The following EXOG variants were observed in gnomAD, a reference collection of about 807,000 sequenced individuals.
EXOG encodes exo/endonuclease G.
EXOG carries 27 observed loss-of-function variants against 25.8 expected under a neutral mutation model. The ratio of observed to expected loss-of-function variants is 1.05; its 90% CI spans 0.77 to 1.45. The LOEUF (loss-of-function observed/expected upper bound fraction) is 1.45, where lower values mean the gene tolerates loss of function less well. Among genes scored for constraint, EXOG ranks in the 40% most tolerant of loss-of-function variants. The pLI is 0.00. For synonymous variants in EXOG, 133 were observed against 167.0 expected (o/e 0.80, Z 1.57); for missense variants, 458 against 450.5 (o/e 1.02, Z -0.15).
At chr3:38,514,768 C>T (rs73825580) in intron 5 of EXOG, among the ~76,000 whole-genome samples, 2 of 117,820 alleles carry the variant, frequency 1.7e-5, no homozygotes, top group East Asian at 2.8e-4. Context: ...CCCTCCCCCC[C>T]CTCCCCCTGC....
chr3:38,523,223 C>G lies in EXOG; in HGVS notation c.646-678C>G, dbSNP rs531955888. The stretch of plus-strand genomic sequence containing the variant: ...TTTGACCTTTGAATGTTTGGAGCAC[C>G]AGAAGTTCTGATTATGAGATGAAGA... On this transcript the variant is annotated intron_variant, in intron 5 of 5. Coordinates refer to ENST00000287675, the MANE Select transcript of EXOG (RefSeq NM_005107.4). 8.7e-5 allele frequency: 112 copies of G among 1,289,230 alleles called. No homozygotes were observed. The Admixed American group carries it at 2.0e-3, about 23-fold the overall frequency. The allele number at this position is 1,289,230 out of a possible 1,614,324, so 79.9% of individuals were successfully genotyped here.
intron 5 of EXOG, chr3:38,523,115 G>A (rs2060771933): frequency 1.2e-6 from 1 of 861,838 alleles, no homozygotes; most frequent in South Asian, 1.4e-5. Context: ...TTCTCTAAGG[G>A]CTATCTGTTT....
intron 5 of EXOG, among the ~76,000 whole-genome samples, chr3:38,522,491 A>G (rs2060748025): frequency 6.6e-6 from 1 of 152,132 alleles, no homozygotes; most frequent in South Asian, 2.1e-4. Flanking sequence ...CTTTTTCAAA[A>G]AAGCCTTTTT....
At chr3:38,521,537 A>G (rs756693114) in intron 5 of EXOG, among the ~76,000 whole-genome samples, 11 of 152,240 alleles carry the variant, frequency 7.2e-5, no homozygotes, top group Non-Finnish European at 1.3e-4. Context: ...GAGAAAATCA[A>G]GTGAATGTTC....
chr3:38,508,240 T>G (rs994843605), intron 5 of EXOG, among the ~76,000 whole-genome samples: 2 of 152,180 alleles, frequency 1.3e-5, no homozygotes, highest in African/African-American at 4.8e-5. Context: ...TTTTTTAATA[T>G]GCAAGATATG....
intron 5 of EXOG, among the ~76,000 whole-genome samples, chr3:38,522,147 G>A (rs1013664635): frequency 1.3e-5 from 2 of 152,178 alleles, no homozygotes; most frequent in Admixed American, 6.5e-5. Flanking sequence ...AATCATTCCC[G>A]TGCACGGGTC....
intron 3 of EXOG, 93 bp downstream of exon 3, chr3:38,501,587 A>G: frequency 9.5e-7 from 1 of 1,051,890 alleles, no homozygotes; most frequent in Non-Finnish European, 1.4e-6. Context: ...GCCAAACCTT[A>G]AAACTTGAGA....
Position 38,524,283 on chromosome 3 carries a change from T to A in EXOG, c.1028T>A (p.Phe343Tyr). Residue 343 changes from phenylalanine (F) to tyrosine (Y), a missense_variant, in exon 6 of 6, where the codon TTT becomes TAT. Physicochemically the swap from Phe to Tyr is conservative, Grantham distance 22. Around this residue, in one of 3 missense-constraint regions of EXOG, gnomAD observed 178 missense variants for 203.7 expected, o/e 0.87. Coordinates refer to ENST00000287675, the MANE Select transcript of EXOG (RefSeq NM_005107.4). ...KNAEIEPDDY[F>Y]MSRYEKKLEE... ...GCAGAGATTGAACCAGATGATTACT[T>A]TATGAGTCGCTATGAGAAGAAGCTA... 6.2e-7 allele frequency: 1 copy of A among 1,614,142 alleles called. No homozygotes were observed.
rs187969864 is a variant in EXOG, at chr3:38,499,502, G to A, written c.313+1724G>A. 3.3e-5 allele frequency among the ~76,000 whole-genome samples: 5 copies of A among 152,290 alleles called. No individual in the cohort carries two copies. The East Asian group carries it at 7.7e-4, about 24-fold the overall frequency. On this transcript the variant is annotated intron_variant, in intron 2 of 5. Coordinates refer to ENST00000287675, the MANE Select transcript of EXOG (RefSeq NM_005107.4). Reference sequence around the variant, plus strand: ...AATTAATATTATTTGAAAATAGGGAGCAATGTACCTGTGTTTTACTTGATT... The same window carrying A: ...AATTAATATTATTTGAAAATAGGGAACAATGTACCTGTGTTTTACTTGATT...
chr3:38,522,282 C>G (rs2060740684), intron 5 of EXOG, among the ~76,000 whole-genome samples: 1 of 152,186 alleles, frequency 6.6e-6, no homozygotes, highest in Non-Finnish European at 1.5e-5. Flanking sequence ...GAAAAGAAAC[C>G]TCCTTTGTAG....
At chr3:38,523,033 A>C in intron 5 of EXOG, 1 of 387,726 alleles carries the variant, frequency 2.6e-6, no homozygotes, top group South Asian at 2.0e-5. Flanking sequence ...ACATTTATGT[A>C]ATTTAATTTT....
At position 38,524,872 on chromosome 3, in the gene EXOG, G is replaced by A. The variant is rs928082753; in HGVS notation, c.*510G>A. The A allele has an allele frequency of 5.8e-5, 57 of 986,168 alleles. No homozygotes were observed. The Admixed American group carries it at 6.1e-4, about 11-fold the overall frequency. 61.1% of individuals were successfully genotyped at this position (986,168 alleles called of 1,614,324 possible). ...TGGGAAGGCATTTGTTTAGTTTCAT[G>A]CCTCCAAACCATGCATTGTCTGTGA... is the stretch of plus-strand genomic sequence containing the variant. On this transcript the variant is annotated 3_prime_UTR_variant, in exon 6 of 6. Transcript: ENST00000287675.
intron 5 of EXOG, among the ~76,000 whole-genome samples, chr3:38,512,711 G>A (rs2060408713): frequency 6.6e-6 from 1 of 152,138 alleles, no homozygotes. Flanking sequence ...AGTTTTGCCT[G>A]TAGCAGAGTT....
chr3:38,518,603 C>T (rs1296104452), intron 5 of EXOG, among the ~76,000 whole-genome samples: 1 of 152,194 alleles, frequency 6.6e-6, no homozygotes, highest in East Asian at 1.9e-4. Flanking sequence ...CAACTATACT[C>T]TGAACCTTAT....
At chr3:38,504,758 C>T (rs1203191437) in intron 4 of EXOG, among the ~76,000 whole-genome samples, 1 of 152,138 alleles carries the variant, frequency 6.6e-6, no homozygotes, top group African/African-American at 2.4e-5. Flanking sequence ...TTTGATAGAA[C>T]CTAACTATAA....
chr3:38,523,204 C>T (rs2060775416), intron 5 of EXOG: 1 of 1,289,168 alleles, frequency 7.8e-7, no homozygotes, highest in Non-Finnish European at 1.0e-6. Flanking sequence ...CAGTTTTGAC[C>T]TTTGAATGTT....
chr3:38,509,098 G>T lies in EXOG; in HGVS notation c.645+2130G>T, dbSNP rs2060292181. Among the ~76,000 whole-genome samples the T allele has an allele frequency of 2.0e-5, 3 of 152,152 alleles. No homozygotes were observed. In the South Asian group the frequency reaches 6.2e-4, roughly 32 times the overall value. On this transcript the variant is annotated intron_variant, in intron 5 of 5. Transcript: ENST00000287675. ...TTTTATAGTCTTAGGAGAAAAAAAG[G>T]CTTAAAGCCCCCTGTATTATTTTTC...
intron 5 of EXOG, chr3:38,513,753 C>G (rs2060445443): frequency 6.6e-6 from 1 of 152,152 alleles, no homozygotes; most frequent in Non-Finnish European, 1.5e-5. Context: ...TCAACAGAGA[C>G]TTAACTAAGC....
At position 38,497,674 on chromosome 3, in the gene EXOG, C is replaced by G; in HGVS notation, c.209C>G (p.Thr70Ser). Reference sequence around the variant, plus strand: ...TTGGAACAATTTGGATTCCCTTTAACTGGAACAGAGGCAAGGTGTTACACT... The same window carrying G: ...TTGGAACAATTTGGATTCCCTTTAAGTGGAACAGAGGCAAGGTGTTACACT... ...AVLEQFGFPL[T>S]GTEARCYTNH... Residue 70 changes from threonine (T) to serine (S), a missense_variant, in exon 2 of 6, where the codon ACT becomes AGT. Transcript: ENST00000287675. 3.2e-6 allele frequency: 5 copies of G among 1,565,260 alleles called. No individual in the cohort carries two copies. The highest frequency in any genetic ancestry group is 1.4e-5 in the African/African-American group (1 of 72,056).
Sources: gnomAD v4.1 joint callset for allele counts (sites outside exome capture counted in the v4.1 genomes callset) on GRCh38, gnomAD v4.1.1 for gene constraint, gnomAD v4.1.1 regional missense constraint, MANE v1.5 for transcripts, NCBI Gene and HGNC (gene_info 2026-07-23, HGNC 2026-07-21) for gene names.